Variants in CRLF3 observed in about 807,000 individuals in gnomAD.
The protein encoded by CRLF3 is cytokine receptor like factor 3, also known as cytokine receptor-like factor 3.
A neutral mutation model predicts 55.0 loss-of-function variants in CRLF3; 33 were observed. The observed-to-expected ratio is 0.60, with a 90% CI of 0.46 to 0.80. CRLF3 has a LOEUF of 0.80. CRLF3 is among the 30% of genes least tolerant of loss of function. The probability of loss-of-function intolerance (pLI) is 0.00; values close to 1 mark genes in which losing one functional copy is unlikely to be tolerated. For synonymous variants in CRLF3, 238 were observed against 196.8 expected (o/e 1.21, Z -1.75); for missense variants, 494 against 538.4 (o/e 0.92, Z 0.82).
rs753441992 is a variant in CRLF3, at chr17:30,824,682, G to T, written c.-31C>A. Reference sequence around the variant, plus strand: ...CGCGCGGCCGGCGAAACCTAGCGCGGGTTCCCGACTGCACCGGGCGCCTCC... The same window carrying T: ...CGCGCGGCCGGCGAAACCTAGCGCGTGTTCCCGACTGCACCGGGCGCCTCC... On this transcript the variant is annotated 5_prime_UTR_variant, in exon 1 of 8. Coordinates refer to ENST00000324238, the MANE Select transcript of CRLF3 (RefSeq NM_015986.4). The T allele has an allele frequency of 5.7e-6, 9 of 1,577,796 alleles. No homozygotes were observed. Among genetic ancestry groups the T allele is most frequent in the South Asian group, 1.1e-5 (1 of 88,520 alleles).
intron 6 of CRLF3, 33 bp downstream of exon 6, chr17:30,792,407 T>G: frequency 2.5e-6 from 4 of 1,586,952 alleles, no homozygotes; most frequent in Non-Finnish European, 3.5e-6. Context: ...CTCTGCTTCC[T>G]GAGGCAGGTG....
intron 6 of CRLF3, among the ~76,000 whole-genome samples, chr17:30,791,719 T>C (rs943248592): frequency 2.1e-4 from 32 of 149,868 alleles, no homozygotes; most frequent in African/African-American, 7.6e-4. Context: ...GGTTTCACCA[T>C]GTTAGCCAGG....
chr17:30,793,516 C>A lies in CRLF3; in HGVS notation c.760G>T (p.Asp254Tyr). ...CAAGGACTCCACTCCTGTCGGCCATCTCCTCGGGCGCAGACTCTGAACTGG... is the reference window on the plus strand; with the variant it reads ...CAAGGACTCCACTCCTGTCGGCCATATCCTCGGGCGCAGACTCTGAACTGG... ...DYQFRVCARG[D>Y]GRQEWSPWSV... The change falls in exon 5 of 8, where the codon GAT (aspartate) becomes TAT (tyrosine). Residue 254 changes from aspartate to tyrosine, a missense_variant. Transcript: ENST00000324238. 1 of 1,614,140 alleles carries A rather than the reference C, an allele frequency of 6.2e-7. No individual in the cohort carries two copies. Among genetic ancestry groups the A allele is most frequent in the South Asian group, 1.1e-5 (1 of 91,084 alleles).
At chr17:30,790,491 TTTTAC>T (rs1408268463) in intron 6 of CRLF3, 3 of 152,112 alleles carry the variant, frequency 2.0e-5, no homozygotes, top group Non-Finnish European at 2.9e-5. Context: ...TTGCTTTCAG[TTTTAC>T]TTTAGAGAGT....
At position 30,784,433 on chromosome 17, in the gene CRLF3, A is replaced by G; in HGVS notation, c.1083T>C (p.Phe361=). The change falls in exon 8 of 8, where the codon TTT becomes TTC. Residue 361 remains phenylalanine, a synonymous_variant. Transcript: ENST00000324238. The part of the protein sequence containing the change: ...AVCISTNGAV[F]VNGKEMTNQL... Reference sequence around the variant, plus strand: ...GATTTGTCATTTCTTTTCCATTGACAAAAACTGCACCTAAAATGTTAAGGT... The same window carrying G: ...GATTTGTCATTTCTTTTCCATTGACGAAAACTGCACCTAAAATGTTAAGGT... 1 of 1,611,988 alleles carries G rather than the reference A, an allele frequency of 6.2e-7. No homozygotes were observed. Among genetic ancestry groups the G allele is most frequent in the Non-Finnish European group, 8.5e-7 (1 of 1,178,148 alleles).
intron 2 of CRLF3, 57 bp downstream of exon 2, chr17:30,803,844 A>T: frequency 7.8e-7 from 1 of 1,276,058 alleles, no homozygotes; most frequent in Non-Finnish European, 1.1e-6. Context: ...GTATGTCTTT[A>T]TCAGCAGTGT....
intron 7 of CRLF3, among the ~76,000 whole-genome samples, chr17:30,785,338 G>A (rs983585813): frequency 1.3e-5 from 2 of 151,934 alleles, no homozygotes; most frequent in African/African-American, 4.8e-5. Flanking sequence ...GCCTCCCAAA[G>A]TGCTGGGATT....
chr17:30,806,263 TC>T (rs1053214797), intron 1 of CRLF3, among the ~76,000 whole-genome samples: 1 of 152,196 alleles, frequency 6.6e-6, no homozygotes, highest in Admixed American at 6.5e-5. Context: ...AAAAGCCTCT[TC>T]CCCAAAAAAT....
chr17:30,806,900 G>T (rs1904422920), intron 1 of CRLF3, among the ~76,000 whole-genome samples: 1 of 151,994 alleles, frequency 6.6e-6, no homozygotes, highest in Non-Finnish European at 1.5e-5. Flanking sequence ...CTCCCAAAAT[G>T]CTGAGATTAC....
At chr17:30,795,505 A>C (rs1374736082) in intron 4 of CRLF3, among the ~76,000 whole-genome samples, 2 of 146,386 alleles carry the variant, frequency 1.4e-5, no homozygotes, top group Non-Finnish European at 3.0e-5. Context: ...TCAAAAAAAA[A>C]AAAAAAGAAA....
intron 2 of CRLF3, 162 bp downstream of exon 2, chr17:30,803,739 T>A: frequency 3.1e-6 from 2 of 652,292 alleles, no homozygotes; most frequent in Non-Finnish European, 5.4e-6. Context: ...CCATGTGAGA[T>A]GTGCCTTTCA....
chr17:30,817,443 A>C (rs1451377871), intron 1 of CRLF3, among the ~76,000 whole-genome samples: 2 of 152,046 alleles, frequency 1.3e-5, no homozygotes, highest in African/African-American at 4.8e-5. Flanking sequence ...CTTCAAAAAA[A>C]AAAGCTTTGC....
At position 30,783,677 on chromosome 17, in the gene CRLF3, AAAGTC is replaced by A. The variant is rs1347397495; in HGVS notation, c.*505_*509del. On this transcript the variant is annotated 3_prime_UTR_variant, in exon 8 of 8. Transcript: ENST00000324238. ...CTTAAAGATTACTGAAGAGGGGATA[AAAGTC>A]AACACTGCTTACAAATACCTGAACA... 1 of 152,508 alleles carries A rather than the reference AAAGTC, an allele frequency of 6.6e-6. No homozygotes were observed. Among genetic ancestry groups the A allele is most frequent in the Non-Finnish European group, 1.5e-5 (1 of 68,308 alleles). 9.4% of individuals were successfully genotyped at this position (152,508 alleles called of 1,614,324 possible). A position where few individuals can be genotyped will look rare whatever the true frequency, so the allele number is the denominator to read the frequency against.
intron 4 of CRLF3, 42 bp downstream of exon 4, chr17:30,796,118 C>A (rs1420368944): frequency 6.8e-7 from 1 of 1,468,560 alleles, no homozygotes; most frequent in South Asian, 1.4e-5. Context: ...AAATCGCAAA[C>A]CCATAATGTG....
intron 6 of CRLF3, chr17:30,790,896 A>G (rs996531532): frequency 6.6e-6 from 1 of 150,638 alleles, no homozygotes; most frequent in African/African-American, 2.4e-5. Context: ...GATAATATGC[A>G]TGAGCCACAG....
chr17:30,811,850 C>T (rs1447438174), intron 1 of CRLF3, among the ~76,000 whole-genome samples: 4 of 149,090 alleles, frequency 2.7e-5, no homozygotes, highest in Admixed American at 2.0e-4. Flanking sequence ...GTGGCTCACG[C>T]CTGTAACCCT....
rs1382308682 is a variant in CRLF3 at position 30,797,384 on chromosome 17, G to T, written c.352C>A (p.Leu118Ile). The change falls in exon 3 of 8, where the codon CTT becomes ATT. Residue 118 changes from leucine (L) to isoleucine (I), a missense_variant. By Grantham distance (5) the Leu-to-Ile change is conservative. Coordinates refer to ENST00000324238, the MANE Select transcript of CRLF3 (RefSeq NM_015986.4). The stretch of plus-strand genomic sequence containing the variant: ...TCATTCTCTTCTCCCACACCACCAA[G>T]CATGGCGATTTCACCTACAATCAAG... ...DLVREGEIAM[L>I]GGVGEENEKL... 3.7e-6 allele frequency: 6 copies of T among 1,613,414 alleles called. No individual in the cohort carries two copies. The highest frequency in any genetic ancestry group is 5.1e-6 in the Non-Finnish European group (6 of 1,179,558).
At chr17:30,814,257 G>GA (rs1904713939) in intron 1 of CRLF3, among the ~76,000 whole-genome samples, 1 of 143,030 alleles carries the variant, frequency 7.0e-6, no homozygotes, top group African/African-American at 2.6e-5. Context: ...ACTCCGTCTC[G>GA]AAAAAATAAT....
chr17:30,823,785 T>C (rs751762506), intron 1 of CRLF3, among the ~76,000 whole-genome samples: 2 of 152,152 alleles, frequency 1.3e-5, no homozygotes, highest in Admixed American at 6.6e-5. Context: ...TATATTTAGC[T>C]TTTCCTTTCA....
Sources: gnomAD v4.1 joint callset for allele counts (sites outside exome capture counted in the v4.1 genomes callset) on GRCh38, gnomAD v4.1.1 for gene constraint, MANE v1.5 for transcripts, NCBI Gene and HGNC (gene_info 2026-07-23, HGNC 2026-07-21) for gene names.